Variants in OPCML observed in about 807,000 individuals in gnomAD.
The protein encoded by OPCML is opioid-binding protein/cell adhesion molecule.
OPCML carries 13 observed loss-of-function variants against 37.8 expected under a neutral mutation model. The observed-to-expected ratio is 0.34, with a 90% CI of 0.22 to 0.55. The LOEUF is 0.55. Ranked by LOEUF, OPCML falls within the 20% of genes least tolerant of loss-of-function variation. The pLI is 0.91. For missense variants in OPCML, 341 were observed against 435.6 expected (o/e 0.78, Z 1.93); for synonymous variants, 176 against 168.8 (o/e 1.04, Z -0.33).
intron 2 of OPCML, among the ~76,000 whole-genome samples, chr11:132,776,586 G>A (rs542098933): frequency 1.5e-4 from 23 of 151,606 alleles, no homozygotes; most frequent in South Asian, 1.5e-3. Context: ...TCTCTCTCTC[G>A]CCCCTGCTTG....
chr11:133,510,364 T>C (rs575827249), intron 1 of OPCML, among the ~76,000 whole-genome samples: 19 of 152,356 alleles, frequency 1.2e-4, no homozygotes, highest in African/African-American at 4.6e-4. Context: ...TACCTGATTC[T>C]GCCACAAGTT....
At chr11:133,165,636 C>T (rs1487399929) in intron 1 of OPCML, among the ~76,000 whole-genome samples, 1 of 152,122 alleles carries the variant, frequency 6.6e-6, no homozygotes, top group Non-Finnish European at 1.5e-5. Context: ...GTCTTTTCCC[C>T]GAGGGTGGAG....
At chr11:133,313,298 C>T (rs1286752027) in intron 1 of OPCML, among the ~76,000 whole-genome samples, 1 of 152,192 alleles carries the variant, frequency 6.6e-6, no homozygotes, top group Non-Finnish European at 1.5e-5. Context: ...ATCTGCCTGA[C>T]TCCAAAGGTG....
intron 1 of OPCML, among the ~76,000 whole-genome samples, chr11:133,390,626 CAAG>C (rs1447987717): frequency 6.6e-6 from 1 of 152,078 alleles, no homozygotes; most frequent in African/African-American, 2.4e-5. Context: ...TTGATCAACC[CAAG>C]AAGACTTCCT....
chr11:132,617,393 A>G (rs1939103556), intron 3 of OPCML, among the ~76,000 whole-genome samples: 1 of 152,222 alleles, frequency 6.6e-6, no homozygotes, highest in Admixed American at 6.5e-5. Context: ...GACTGAATTG[A>G]CATTTTCTGT....
intron 2 of OPCML, among the ~76,000 whole-genome samples, chr11:132,690,681 C>T (rs1943365104): frequency 1.3e-5 from 2 of 152,130 alleles, no homozygotes. Flanking sequence ...CGTGTGTGTG[C>T]TCATGCGTGT....
At chr11:133,200,719 T>G (rs1938740072) in intron 1 of OPCML, among the ~76,000 whole-genome samples, 1 of 152,234 alleles carries the variant, frequency 6.6e-6, no homozygotes, top group African/African-American at 2.4e-5. Flanking sequence ...ATTTCCCATG[T>G]CATTATATGT....
chr11:133,167,530 T>C (rs1243064483), intron 1 of OPCML, among the ~76,000 whole-genome samples: 4 of 150,394 alleles, frequency 2.7e-5, no homozygotes, highest in South Asian at 2.1e-4. Context: ...TCTTTCTCTT[T>C]TTTTTTTTTT....
chr11:133,521,054 G>A (rs1338338902), intron 1 of OPCML, among the ~76,000 whole-genome samples: 1 of 152,170 alleles, frequency 6.6e-6, no homozygotes, highest in Admixed American at 6.5e-5. Context: ...GAGAGAGGAA[G>A]TCACAGAAAA....
chr11:133,060,993 A>C (rs1948331846), intron 1 of OPCML, among the ~76,000 whole-genome samples: 1 of 152,246 alleles, frequency 6.6e-6, no homozygotes, highest in Non-Finnish European at 1.5e-5. Flanking sequence ...ATGCGAGCTA[A>C]AGAAAGAAAA....
At chr11:133,386,289 G>C (rs144501550) in intron 1 of OPCML, among the ~76,000 whole-genome samples, 1 of 152,250 alleles carries the variant, frequency 6.6e-6, no homozygotes, top group East Asian at 1.9e-4. Context: ...TTAGTGAATG[G>C]AATCTTAATT....
chr11:133,256,112 C>T (rs1941305204), intron 1 of OPCML, among the ~76,000 whole-genome samples: 1 of 152,144 alleles, frequency 6.6e-6, no homozygotes, highest in South Asian at 2.1e-4. Context: ...GGGATGGCTT[C>T]TAAAGTTTTC....
At chr11:132,710,022 T>C (rs1013768447) in intron 2 of OPCML, among the ~76,000 whole-genome samples, 3 of 152,218 alleles carry the variant, frequency 2.0e-5, no homozygotes, top group Non-Finnish European at 4.4e-5. Flanking sequence ...GTAATACAGT[T>C]GGTAATCTAA....
At chr11:133,465,304 A>G (rs948519599) in intron 1 of OPCML, among the ~76,000 whole-genome samples, 2 of 152,004 alleles carry the variant, frequency 1.3e-5, no homozygotes, top group African/African-American at 4.8e-5. Flanking sequence ...CCTTGTGCAT[A>G]CCCAAGCGAT....
chr11:132,878,031 A>C (rs986834575), intron 2 of OPCML, among the ~76,000 whole-genome samples: 1 of 152,114 alleles, frequency 6.6e-6, no homozygotes, highest in Non-Finnish European at 1.5e-5. Context: ...AAATACAACA[A>C]ATTAGCTGGC....
intron 1 of OPCML, among the ~76,000 whole-genome samples, chr11:133,305,210 AC>A (rs1395793803): frequency 4.6e-5 from 7 of 152,230 alleles, no homozygotes; most frequent in African/African-American, 1.7e-4. Flanking sequence ...CGAAGCAGGC[AC>A]AGTGACTGTC....
At chr11:133,007,295 T>C in intron 1 of OPCML, 1 of 985,466 alleles carries the variant, frequency 1.0e-6, no homozygotes, top group East Asian at 1.1e-4. Flanking sequence ...TGTTGCAGGA[T>C]ACAGCTCCAT....
chr11:133,409,117 A>T (rs1945590793), intron 1 of OPCML, among the ~76,000 whole-genome samples: 1 of 152,158 alleles, frequency 6.6e-6, no homozygotes, highest in Non-Finnish European at 1.5e-5. Flanking sequence ...AGGAGGTGGT[A>T]ACCCTCTAGA....
chr11:132,451,796 C>CT (rs1229042899), intron 4 of OPCML, among the ~76,000 whole-genome samples: 10 of 152,112 alleles, frequency 6.6e-5, no homozygotes, highest in East Asian at 1.9e-4. Flanking sequence ...AAACAAAAGA[C>CT]TTTTTTTGTG....
Sources: gnomAD v4.1 joint callset for allele counts (sites outside exome capture counted in the v4.1 genomes callset) on GRCh38, gnomAD v4.1.1 for gene constraint, MANE v1.5 for transcripts, NCBI Gene and HGNC (gene_info 2026-07-23, HGNC 2026-07-21) for gene names.